KIF19: variants seen among roughly 807,000 people sequenced by gnomAD.
KIF19 encodes the protein kinesin family member 19, also known as kinesin-like protein KIF19.
A neutral mutation model predicts 106.6 loss-of-function variants in KIF19; 98 were observed. The observed-to-expected ratio is 0.92, with a 90% CI of 0.78 to 1.09. The LOEUF (loss-of-function observed/expected upper bound fraction) is 1.09, where lower values mean the gene tolerates loss of function less well. Among genes scored for constraint, KIF19 ranks in the 50% least tolerant of loss-of-function variants. KIF19 has a pLI of 0.00. For missense variants in KIF19, 1,373 were observed against 1,414.3 expected (o/e 0.97, Z 0.47); for synonymous variants, 516 against 584.2 (o/e 0.88, Z 1.68).
intron 2 of KIF19, among the ~76,000 whole-genome samples, chr17:74,339,877 T>C (rs2054315776): frequency 6.6e-6 from 1 of 152,168 alleles, no homozygotes; most frequent in Non-Finnish European, 1.5e-5. Flanking sequence ...GTGCAGGGCC[T>C]GTGGAATCCC....
At chr17:74,341,337 A>G (rs2054367743) in intron 2 of KIF19, among the ~76,000 whole-genome samples, 1 of 152,140 alleles carries the variant, frequency 6.6e-6, no homozygotes, top group South Asian at 2.1e-4. Context: ...AAATAAATAA[A>G]AGAGACTGTA....
intron 3 of KIF19, 122 bp from the exon 4 acceptor site, chr17:74,342,508 T>G: frequency 7.5e-5 from 47 of 629,702 alleles, no homozygotes; most frequent in Middle Eastern, 3.9e-4. Context: ...CCACCCCCAC[T>G]TATCTTGGGG....
In KIF19 at chr17:74,355,210, TC is replaced by T; in HGVS notation, c.2901del (p.Asn968ThrfsTer62). 1.2e-6 allele frequency: 2 copies of T among 1,610,410 alleles called. No individual in the cohort carries two copies. The highest frequency in any genetic ancestry group is 1.1e-5 in the South Asian group (1 of 90,798). On this transcript the variant is annotated frameshift_variant, in exon 20 of 20. Coordinates refer to ENST00000389916, the MANE Select transcript of KIF19 (RefSeq NM_153209.4). LOFTEE classifies it low-confidence loss of function (END_TRUNC). ...CGGGGGACTCCTCACCCCTGGCTGT[TC>T]CCCCCAACCCAGGTGGTGGTTCTCG... ...GPGDSSPLAV[P>X]PNPGGGSRRA...
At chr17:74,352,976 C>T (rs1215578371) in intron 15 of KIF19, 22 bp downstream of exon 15, 1 of 1,612,856 alleles carries the variant, frequency 6.2e-7, no homozygotes, top group Non-Finnish European at 8.5e-7. Context: ...GCCACCTGCC[C>T]CAGCCCCCAC....
intron 2 of KIF19, among the ~76,000 whole-genome samples, chr17:74,340,955 G>C (rs9911998): frequency 1.3e-5 from 2 of 152,034 alleles, no homozygotes; most frequent in Admixed American, 6.6e-5. Flanking sequence ...GACCTGGGGG[G>C]TGTGACTCCT....
At position 74,355,239 on chromosome 17, in the gene KIF19, G is replaced by A. The variant is rs143319610; in HGVS notation, c.2924G>A (p.Arg975Gln). The A allele has an allele frequency of 8.2e-4, 1,315 of 1,612,814 alleles. 12 individuals are homozygous for A. In the African/African-American group the frequency reaches 0.013, roughly 15 times the overall value. The change falls in exon 20 of 20, where the codon CGG becomes CAG. Residue 975 changes from arginine (R) to glutamine (Q), a missense_variant. This residue lies in a region of KIF19 where 1,020 missense variants were observed against 1,008.2 expected (regional missense o/e 1.01). Coordinates refer to ENST00000389916, the MANE Select transcript of KIF19 (RefSeq NM_153209.4). ...VPPNPGGGSR[R>Q]ATRGPRLPHG... The stretch of plus-strand genomic sequence containing the variant: ...CCCAACCCAGGTGGTGGTTCTCGAC[G>A]GGCTACCCGTGGGCCCCGCCTGCCC...
Position 74,342,013 on chromosome 17 carries a change from C to G in KIF19, c.231+27C>G. The G allele has an allele frequency of 2.1e-6, 3 of 1,447,350 alleles. No individual in the cohort carries two copies. In the South Asian group the frequency reaches 3.5e-5, roughly 17 times the overall value. The allele number at this position is 1,447,350 out of a possible 1,614,324, so 89.7% of individuals were successfully genotyped here. A position where few individuals can be genotyped will look rare whatever the true frequency, so the allele number is the denominator to read the frequency against. Reference sequence around the variant, plus strand: ...TGAGGGAGGGCCTGGGCTGGAGACACGCAGGAGCCCCTCCCCCACCCTTAG... The same window carrying G: ...TGAGGGAGGGCCTGGGCTGGAGACAGGCAGGAGCCCCTCCCCCACCCTTAG... On this transcript the variant is annotated intron_variant, in intron 3 of 19. Coordinates refer to ENST00000389916, the MANE Select transcript of KIF19 (RefSeq NM_153209.4).
intron 3 of KIF19, 142 bp downstream of exon 3, chr17:74,342,128 A>C: frequency 1.5e-6 from 1 of 650,550 alleles, no homozygotes; most frequent in Non-Finnish European, 2.7e-6. Flanking sequence ...AGCCTTCCCC[A>C]TTCAGGAAGG....
chr17:74,341,299 C>T (rs1244117459), intron 2 of KIF19, among the ~76,000 whole-genome samples: 1 of 152,150 alleles, frequency 6.6e-6, no homozygotes, highest in African/African-American at 2.4e-5. Flanking sequence ...GCCTGGGCAA[C>T]GAGCAAGACT....
chr17:74,342,794 C>T, intron 4 of KIF19, 77 bp downstream of exon 4: 5 of 1,407,772 alleles, frequency 3.6e-6, no homozygotes. Context: ...TAGTCTGACC[C>T]CAGCTGGAGC....
At chr17:74,349,100 G>A in intron 9 of KIF19, 84 bp from the exon 10 acceptor site, 2 of 1,433,798 alleles carry the variant, frequency 1.4e-6, no homozygotes, top group East Asian at 2.3e-5. Flanking sequence ...GGGGAGGCAG[G>A]GGGAAGAAAG....
At position 74,350,566 on chromosome 17, in the gene KIF19, C is replaced by A; in HGVS notation, c.1379C>A (p.Thr460Asn). 6.2e-7 allele frequency: 1 copy of A among 1,612,866 alleles called. No individual in the cohort carries two copies. Among genetic ancestry groups the A allele is most frequent in the Non-Finnish European group, 8.5e-7 (1 of 1,179,780 alleles). The change falls in exon 11 of 20, where the codon ACC (threonine) becomes AAC (asparagine). Residue 460 changes from threonine to asparagine, a missense_variant. Thr to Asn is a moderately conservative substitution (Grantham distance 65). This residue lies in a region of KIF19 where 1,020 missense variants were observed against 1,008.2 expected (regional missense o/e 1.01). Transcript: ENST00000389916. ...ATTGACACCTCCCGACACCTGCTCA[C>A]CATCGCCGGGTAAGCCCCCCTCCCA... ...VQIDTSRHLL[T>N]IAGWKHEKSR...
rs201490676 is a variant in KIF19, at chr17:74,349,311, G to A, written c.1175G>A (p.Arg392Gln). ...IDEQTGRGQA[R>Q]GRQDRGDIRH... ...GAGCAGACTGGGCGGGGCCAGGCCC[G>A]GGGCCGGCAGGATCGGGGTGACATC... Residue 392 changes from arginine (R) to glutamine (Q), a missense_variant, in exon 10 of 20, where the codon CGG (arginine) becomes CAG (glutamine). Transcript: ENST00000389916. 218 of 1,608,822 alleles carry A rather than the reference G, an allele frequency of 1.4e-4. 2 individuals carry two copies. Among genetic ancestry groups the A allele is most frequent in the Admixed American group, 1.2e-3 (69 of 59,508 alleles).
intron 17 of KIF19, 136 bp downstream of exon 17, chr17:74,353,717 G>A (rs2054789213): frequency 2.8e-6 from 2 of 721,014 alleles, no homozygotes; most frequent in East Asian, 2.7e-5. Flanking sequence ...TTCTGTAGAG[G>A]CACCATTGCC....
rs756842329 is a variant in KIF19, at chr17:74,354,957, G to T, written c.2866+16G>T. On this transcript the variant is annotated intron_variant, in intron 19 of 19. Transcript: ENST00000389916. ...CAGAACACGGGTCAGTATGGGCAAG[G>T]AGGGGATGGGGAGGGGAGGCCTCCA... The T allele has an allele frequency of 5.1e-5, 80 of 1,576,306 alleles. No individual in the cohort carries two copies. The African/African-American group carries it at 1.0e-3, about 20-fold the overall frequency.
At chr17:74,344,133 C>A in intron 5 of KIF19, 90 bp from the exon 6 acceptor site, 2 of 1,272,198 alleles carry the variant, frequency 1.6e-6, no homozygotes, top group South Asian at 1.5e-5. Flanking sequence ...TTGTCCCTTT[C>A]CTGCACGAAA....
chr17:74,345,324 G>C (rs1237979110), intron 7 of KIF19, among the ~76,000 whole-genome samples: 3 of 152,134 alleles, frequency 2.0e-5, no homozygotes, highest in Non-Finnish European at 4.4e-5. Flanking sequence ...GATCCAGGAA[G>C]ACAATGAATG....
Position 74,331,805 on chromosome 17 carries a change from G to C in KIF19, c.120+3300G>C, listed in dbSNP as rs1046168556. Among the ~76,000 whole-genome samples, 5 of 152,080 alleles carry C rather than the reference G, an allele frequency of 3.3e-5. No individual in the cohort carries two copies. The highest frequency in any genetic ancestry group is 6.5e-5 in the Admixed American group (1 of 15,268). ...GTGGCCAGGCTGGTCTCGAACTCCT[G>C]ACCTCAAGTGATACACCCGCCTCAG... is the stretch of plus-strand genomic sequence containing the variant. On this transcript the variant is annotated intron_variant, in intron 2 of 19. Coordinates refer to ENST00000389916, the MANE Select transcript of KIF19 (RefSeq NM_153209.4). The surrounding 1 kb of genome is among the most constrained non-coding windows in gnomAD (Gnocchi z 4.1).
intron 2 of KIF19, chr17:74,328,783 C>A: frequency 3.0e-6 from 1 of 332,738 alleles, no homozygotes; most frequent in Non-Finnish European, 5.6e-6. Flanking sequence ...CTTTCCCACC[C>A]TAATATGCCT....
Sources: allele counts gnomAD v4.1 joint callset (sites outside exome capture counted in the v4.1 genomes callset), GRCh38; gene constraint gnomAD v4.1.1; regional missense constraint gnomAD v4.1.1; non-coding constraint Gnocchi (gnomAD v3.1); transcripts MANE v1.5; gene names NCBI Gene and HGNC (gene_info 2026-07-23, HGNC 2026-07-21).